Variants in C8orf34 observed in about 807,000 individuals in gnomAD.
C8orf34 encodes uncharacterized protein C8orf34.
In C8orf34, 65 loss-of-function variants were observed where a neutral mutation model predicts 68.3. That is an observed-to-expected ratio of 0.95 (90% CI 0.78 to 1.17). The LOEUF (loss-of-function observed/expected upper bound fraction) is 1.17. Ranked by LOEUF, C8orf34 falls within the 50% of genes most tolerant of loss-of-function variation. The pLI is 0.00. For synonymous variants in C8orf34, 244 were observed against 241.2 expected (o/e 1.01, Z -0.11); for missense variants, 664 against 655.4 (o/e 1.01, Z -0.14).
intron 1 of C8orf34, among the ~76,000 whole-genome samples, chr8:68,382,224 T>C (rs1291844708): frequency 6.6e-6 from 1 of 152,212 alleles, no homozygotes; most frequent in East Asian, 1.9e-4. Context: ...GTAATTCTTG[T>C]TGATTAAATT....
intron 10 of C8orf34, among the ~76,000 whole-genome samples, chr8:68,736,933 AT>A (rs925584765): frequency 1.3e-5 from 2 of 152,012 alleles, no homozygotes; most frequent in Admixed American, 6.6e-5. Flanking sequence ...AGTAATTTTC[AT>A]TTTTTGACCT....
rs187635932 is a variant in C8orf34, at chr8:68,442,931, G to A, written c.475+3285G>A. On this transcript the variant is annotated intron_variant, in intron 2 of 13. Transcript: ENST00000518698. ...GATTAATCAGAGGCAAAAAGATGGT[G>A]ATAATGAGTGATAATGAAGAGAAAT... Among the ~76,000 whole-genome samples the A allele has an allele frequency of 5.5e-4, 84 of 152,302 alleles. 1 individual carries two copies. Among genetic ancestry groups the A allele is most frequent in the Admixed American group, 3.7e-3 (56 of 15,294 alleles).
At chr8:68,810,744 C>G (rs1418511060) in intron 12 of C8orf34, among the ~76,000 whole-genome samples, 2 of 152,136 alleles carry the variant, frequency 1.3e-5, no homozygotes, top group Non-Finnish European at 2.9e-5. Flanking sequence ...GCAGGTCATC[C>G]TGACATCTGC....
intron 7 of C8orf34, among the ~76,000 whole-genome samples, chr8:68,628,090 C>G (rs900255745): frequency 6.6e-6 from 1 of 152,080 alleles, no homozygotes; most frequent in Non-Finnish European, 1.5e-5. Flanking sequence ...CCTACTTACT[C>G]TTATGTTATT....
intron 7 of C8orf34, among the ~76,000 whole-genome samples, chr8:68,564,222 G>A (rs1816518397): frequency 6.6e-6 from 1 of 151,984 alleles, no homozygotes; most frequent in Non-Finnish European, 1.5e-5. Context: ...TGTAAATCTT[G>A]CAAAACGGCA....
intron 1 of C8orf34, among the ~76,000 whole-genome samples, chr8:68,423,635 CA>C (rs1460568731): frequency 6.6e-6 from 1 of 152,090 alleles, no homozygotes; most frequent in Non-Finnish European, 1.5e-5. Context: ...TACCCAATTC[CA>C]AAGTTGCTTC....
intron 3 of C8orf34, among the ~76,000 whole-genome samples, chr8:68,457,512 A>T (rs915970339): frequency 2.0e-5 from 3 of 152,350 alleles, no homozygotes; most frequent in African/African-American, 4.8e-5. Flanking sequence ...CAAAGGAAAT[A>T]TATAGGCAGT....
At chr8:68,373,792 A>G (rs959732140) in intron 1 of C8orf34, among the ~76,000 whole-genome samples, 3 of 152,256 alleles carry the variant, frequency 2.0e-5, no homozygotes, top group Non-Finnish European at 4.4e-5. Context: ...CTAAGACTTG[A>G]TATATCATAT....
intron 5 of C8orf34, among the ~76,000 whole-genome samples, chr8:68,501,299 A>T (rs766001583): frequency 1.3e-5 from 2 of 152,284 alleles, no homozygotes; most frequent in East Asian, 3.9e-4. Context: ...AGTAGTGTCC[A>T]TTTGGGAATT....
At chr8:68,402,178 C>T (rs1335188951) in intron 1 of C8orf34, among the ~76,000 whole-genome samples, 2 of 151,976 alleles carry the variant, frequency 1.3e-5, no homozygotes, top group Non-Finnish European at 2.9e-5. Context: ...TGTGGGTTCT[C>T]TAATTTGTGA....
At chr8:68,505,738 C>CA (rs778441254) in intron 5 of C8orf34, among the ~76,000 whole-genome samples, 5,351 of 67,890 alleles carry the variant, frequency 0.079, 707 homozygotes, top group Middle Eastern at 0.11. Flanking sequence ...ACTCCGTCTC[C>CA]AAAAAAAAAA....
chr8:68,367,907 GAAAAGAAAAAA>G (rs1807361957), intron 1 of C8orf34, among the ~76,000 whole-genome samples: 2 of 15,028 alleles, frequency 1.3e-4, no homozygotes, highest in East Asian at 3.5e-3. Flanking sequence ...AATAAAAAAA[GAAAAGAAAAAA>G]AAAAAAAAAA....
At chr8:68,654,162 C>T (rs1431030501) in intron 8 of C8orf34, among the ~76,000 whole-genome samples, 1 of 151,974 alleles carries the variant, frequency 6.6e-6, no homozygotes, top group Admixed American at 6.6e-5. Context: ...GCATGCTTGC[C>T]CACCCTTCCA....
intron 7 of C8orf34, among the ~76,000 whole-genome samples, chr8:68,577,908 C>T (rs374251886): frequency 6.6e-6 from 1 of 151,378 alleles, no homozygotes; most frequent in African/African-American, 2.4e-5. Context: ...AAAAAAAATG[C>T]TGAAATGTGA....
At chr8:68,373,795 T>G (rs1435034978) in intron 1 of C8orf34, among the ~76,000 whole-genome samples, 1 of 152,246 alleles carries the variant, frequency 6.6e-6, no homozygotes, top group Admixed American at 6.5e-5. Context: ...AGACTTGATA[T>G]ATCATATACC....
At chr8:68,401,494 A>G (rs1808952226) in intron 1 of C8orf34, among the ~76,000 whole-genome samples, 1 of 152,084 alleles carries the variant, frequency 6.6e-6, no homozygotes, top group South Asian at 2.1e-4. Flanking sequence ...CCTATTCACT[A>G]TAATGTTGGC....
chr8:68,609,058 T>C (rs1012281843), intron 7 of C8orf34, among the ~76,000 whole-genome samples: 1 of 152,116 alleles, frequency 6.6e-6, no homozygotes, highest in Non-Finnish European at 1.5e-5. Context: ...CCTGTAGTCT[T>C]AACTATTCTG....
chr8:68,336,530 T>C (rs1413747134), intron 1 of C8orf34, among the ~76,000 whole-genome samples: 1 of 152,184 alleles, frequency 6.6e-6, no homozygotes, highest in Non-Finnish European at 1.5e-5. Flanking sequence ...GGTGTTGGTG[T>C]GATCTCATGA....
rs1252052378 is a variant in C8orf34 at position 68,810,915 on chromosome 8, T to G, written c.1550-4971T>G. On this transcript the variant is annotated intron_variant, in intron 12 of 13. Transcript: ENST00000518698. ...ATGCGTGCGCCTAGGAGAAGCATCATAAGTTCTCACTCTGGTCTGCAGAAC... is the reference window on the plus strand; with the variant it reads ...ATGCGTGCGCCTAGGAGAAGCATCAGAAGTTCTCACTCTGGTCTGCAGAAC... Among the ~76,000 whole-genome samples, 4 of 152,140 alleles carry G rather than the reference T, an allele frequency of 2.6e-5. No individual in the cohort carries two copies. In the East Asian group the frequency reaches 7.7e-4, roughly 29 times the overall value.
Sources: gnomAD v4.1 joint callset for allele counts (sites outside exome capture counted in the v4.1 genomes callset) on GRCh38, gnomAD v4.1.1 for gene constraint, MANE v1.5 for transcripts, NCBI Gene and HGNC (gene_info 2026-07-23, HGNC 2026-07-21) for gene names.